Variants in JAK2 observed in about 807,000 individuals in gnomAD.
JAK2 encodes the protein tyrosine-protein kinase JAK2.
In JAK2, 86 loss-of-function variants were observed where a neutral mutation model predicts 139.3. The observed-to-expected ratio is 0.62, with a 90% CI of 0.52 to 0.74. The LOEUF (loss-of-function observed/expected upper bound fraction) is 0.74. Among genes scored for constraint, JAK2 ranks in the 30% least tolerant of loss-of-function variants. JAK2 has a pLI of 0.00. For missense variants in JAK2, 1,421 were observed against 1,360.3 expected, an observed-to-expected ratio of 1.04 and a Z score of -0.70; for synonymous variants, 490 against 437.7, an observed-to-expected ratio of 1.12 and a Z score of -1.49.
intron 2 of JAK2, among the ~76,000 whole-genome samples, chr9:4,994,148 G>A (rs571768011): frequency 1.1e-4 from 16 of 152,288 alleles, no homozygotes; most frequent in African/African-American, 3.1e-4. Context: ...AATAATCAGA[G>A]TGTTTGGAAT....
At chr9:5,012,579 C>T (rs1272076917) in intron 2 of JAK2, among the ~76,000 whole-genome samples, 1 of 151,816 alleles carries the variant, frequency 6.6e-6, no homozygotes, top group Admixed American at 6.6e-5. Flanking sequence ...CTGGAGATCC[C>T]GAAATTATAC....
chr9:4,998,225 G>T (rs537506128), intron 2 of JAK2, among the ~76,000 whole-genome samples: 5 of 152,168 alleles, frequency 3.3e-5, no homozygotes, highest in African/African-American at 1.2e-4. Flanking sequence ...GTATTGAAAT[G>T]AGATCTTAAG....
intron 2 of JAK2, among the ~76,000 whole-genome samples, chr9:4,993,735 G>T (rs1350370197): frequency 6.6e-6 from 1 of 152,118 alleles, no homozygotes; most frequent in Non-Finnish European, 1.5e-5. Flanking sequence ...GTCCTTATCT[G>T]TTCCTGGCTA....
chr9:5,074,530 G>T (rs901240887), intron 14 of JAK2, among the ~76,000 whole-genome samples: 1 of 152,128 alleles, frequency 6.6e-6, no homozygotes, highest in African/African-American at 2.4e-5. Context: ...TTATTCTGGG[G>T]TGTCCCAAAC....
At chr9:5,016,732 C>G (rs961405760) in intron 2 of JAK2, among the ~76,000 whole-genome samples, 4 of 152,114 alleles carry the variant, frequency 2.6e-5, no homozygotes, top group Non-Finnish European at 4.4e-5. Context: ...TACCTCCTGC[C>G]AGTTATTCTC....
chr9:4,989,224 T>G (rs890937752), intron 2 of JAK2, among the ~76,000 whole-genome samples: 9 of 152,232 alleles, frequency 5.9e-5, no homozygotes, highest in African/African-American at 2.2e-4. Flanking sequence ...TGTAAGCTGA[T>G]TTCCACACTT....
chr9:5,124,956 T>C (rs1276161162), intron 23 of JAK2, among the ~76,000 whole-genome samples: 1 of 151,536 alleles, frequency 6.6e-6, no homozygotes, highest in African/African-American at 2.4e-5. Flanking sequence ...AAAGGGGATA[T>C]TGGGAAGCTA....
chr9:5,112,903 C>G, intron 22 of JAK2: 1 of 314,860 alleles, frequency 3.2e-6, no homozygotes, highest in South Asian at 1.0e-4. Flanking sequence ...GGGCTGGGCC[C>G]AGAACGCCCA....
chr9:4,998,256 T>C (rs1171715215), intron 2 of JAK2, among the ~76,000 whole-genome samples: 1 of 151,896 alleles, frequency 6.6e-6, no homozygotes, highest in Non-Finnish European at 1.5e-5. Flanking sequence ...CTCCAACGGG[T>C]TTTTTTGTTG....
chr9:5,109,774 A>G (rs1352233713), intron 22 of JAK2: 1 of 152,208 alleles, frequency 6.6e-6, no homozygotes, highest in African/African-American at 2.4e-5. Context: ...TGTTACCTGT[A>G]GAATTCTCAA....
Position 5,083,827 on chromosome 9 carries a change from T to C in JAK2, c.2571+1966T>C, listed in dbSNP as rs533780590. On this transcript the variant is annotated intron_variant, in intron 19 of 24. Coordinates refer to ENST00000381652, the MANE Select transcript of JAK2 (RefSeq NM_004972.4). ...AAGTGATATACTGCTTATAGAGAAA[T>C]TGGAAAATATTACAATGAAGATACG... is the stretch of plus-strand genomic sequence containing the variant. Among the ~76,000 whole-genome samples the C allele has an allele frequency of 1.2e-4, 18 of 152,238 alleles. No homozygotes were observed. In the East Asian group the frequency reaches 3.1e-3, roughly 26 times the overall value.
At chr9:5,069,276 C>A in intron 11 of JAK2, 68 bp downstream of exon 11, 1 of 1,003,364 alleles carries the variant, frequency 1.0e-6, no homozygotes, top group Non-Finnish European at 1.5e-6. Flanking sequence ...GAAGTATCTT[C>A]AGTACATTGA....
chr9:5,114,529 G>C (rs1011473072), intron 22 of JAK2: 4 of 467,980 alleles, frequency 8.5e-6, no homozygotes, highest in African/African-American at 4.0e-5. Flanking sequence ...GAAGAGCCGA[G>C]GAACCAGGAC....
intron 2 of JAK2, among the ~76,000 whole-genome samples, chr9:4,997,094 A>G (rs1820617017): frequency 6.6e-6 from 1 of 151,388 alleles, no homozygotes; most frequent in Admixed American, 6.6e-5. Context: ...AGGCCTGGCT[A>G]ATTTTTATAT....
Position 5,111,631 on chromosome 9 carries a change from CG to C in JAK2, c.3060-11368del, listed in dbSNP as rs1032925400. 5.3e-5 allele frequency: 20 copies of C among 375,394 alleles called. 1 individual carries two copies. Among genetic ancestry groups the C allele is most frequent in the African/African-American group, 4.1e-4 (19 of 46,524 alleles). 23.3% of individuals were successfully genotyped at this position (375,394 alleles called of 1,614,324 possible). A position where few individuals can be genotyped will look rare whatever the true frequency, so the allele number is the denominator to read the frequency against. Reference sequence around the variant, plus strand: ...AGGTGGGCTTTGGCCCCATGCTGGGCGGGGGCTCATGCCCCTCGTCCCTCCC... The same window carrying C: ...AGGTGGGCTTTGGCCCCATGCTGGGCGGGGCTCATGCCCCTCGTCCCTCCC... On this transcript the variant is annotated intron_variant, in intron 22 of 24. Transcript: ENST00000381652.
At chr9:5,115,925 G>A (rs1374984135) in intron 22 of JAK2, among the ~76,000 whole-genome samples, 1 of 152,138 alleles carries the variant, frequency 6.6e-6, no homozygotes, top group Admixed American at 6.5e-5. Context: ...AGGGCTAGGG[G>A]AGGGATAGCT....
chr9:5,096,564 A>G (rs1327268132), intron 22 of JAK2: 1 of 152,226 alleles, frequency 6.6e-6, no homozygotes, highest in East Asian at 1.9e-4. Context: ...TTTGCAATTC[A>G]ACATAAAAAA....
At chr9:5,121,516 G>A (rs1823613806) in intron 22 of JAK2, among the ~76,000 whole-genome samples, 1 of 152,164 alleles carries the variant, frequency 6.6e-6, no homozygotes, top group Admixed American at 6.6e-5. Flanking sequence ...TCCTGCTGAA[G>A]TTAGGCTTCT....
At chr9:4,997,842 T>C (rs1305594150) in intron 2 of JAK2, among the ~76,000 whole-genome samples, 1 of 152,222 alleles carries the variant, frequency 6.6e-6, no homozygotes, top group Non-Finnish European at 1.5e-5. Context: ...AACATAATGC[T>C]TCAGTGTCTG....
Sources: allele counts gnomAD v4.1 joint callset (sites outside exome capture counted in the v4.1 genomes callset), GRCh38; gene constraint gnomAD v4.1.1; transcripts MANE v1.5; gene names NCBI Gene and HGNC (gene_info 2026-07-23, HGNC 2026-07-21).